Variants in HROB observed in about 807,000 individuals in gnomAD.
HROB encodes the protein homologous recombination OB-fold protein.
A neutral mutation model predicts 61.0 loss-of-function variants in HROB; 44 were observed. The observed-to-expected ratio is 0.72, with a 90% CI of 0.57 to 0.93. The LOEUF is 0.93. Ranked by LOEUF, HROB falls within the 40% of genes least tolerant of loss-of-function variation. The pLI is 0.00. For missense variants in HROB, 716 were observed against 796.2 expected (o/e 0.90, Z 1.21); for synonymous variants, 301 against 310.4 (o/e 0.97, Z 0.32).
chr17:44,149,109 C>A, intron 3 of HROB, 82 bp downstream of exon 3: 1 of 1,343,734 alleles, frequency 7.4e-7, no homozygotes, highest in Non-Finnish European at 1.0e-6. Context: ...GCATATCTTC[C>A]CTCTTGCAGA....
At chr17:44,153,138 G>A (rs940362649) in intron 5 of HROB, among the ~76,000 whole-genome samples, 7 of 152,146 alleles carry the variant, frequency 4.6e-5, no homozygotes, top group Non-Finnish European at 8.8e-5. Context: ...ATGGAACATT[G>A]TGTAAACACA....
At position 44,162,090 on chromosome 17, in the gene HROB, C is replaced by T; in HGVS notation, c.*158C>T. On this transcript the variant is annotated 3_prime_UTR_variant, in exon 10 of 10. Coordinates refer to ENST00000585683, the MANE Select transcript of HROB (RefSeq NM_001171251.3). ...ACCCTGGGTGTTTTCCCTGAGAGCC[C>T]CCTCATCTCTGCGCTGCCCTCACTT... 1.4e-6 allele frequency: 1 copy of T among 731,716 alleles called. No homozygotes were observed. Among genetic ancestry groups the T allele is most frequent in the Non-Finnish European group, 2.2e-6 (1 of 452,262 alleles). 45.3% of individuals were successfully genotyped at this position (731,716 alleles called of 1,614,324 possible).
At chr17:44,150,748 C>T (rs567178099) in intron 3 of HROB, among the ~76,000 whole-genome samples, 8 of 152,282 alleles carry the variant, frequency 5.3e-5, no homozygotes, top group Non-Finnish European at 8.8e-5. Context: ...TGCACCTGGG[C>T]GAGCTCCGGC....
chr17:44,141,962 C>T lies in HROB; in HGVS notation c.-181C>T, dbSNP rs1208940651. The stretch of plus-strand genomic sequence containing the variant: ...GCGTCTTCGAATGCGGCCTAAGGCG[C>T]CTGCCGCCAGTCTCCTGGCGACTTT... On this transcript the variant is annotated 5_prime_UTR_variant, in exon 1 of 10. Coordinates refer to ENST00000585683, the MANE Select transcript of HROB (RefSeq NM_001171251.3). 3 of 828,214 alleles carry T rather than the reference C, an allele frequency of 3.6e-6. No homozygotes were observed. The highest frequency in any genetic ancestry group is 3.6e-6 in the Non-Finnish European group (2 of 562,030). The allele number at this position is 828,214 out of a possible 1,614,324, so 51.3% of individuals were successfully genotyped here.
chr17:44,161,968 G>T lies in HROB; in HGVS notation c.*36G>T, dbSNP rs1567726675. On this transcript the variant is annotated 3_prime_UTR_variant, in exon 10 of 10. Coordinates refer to ENST00000585683, the MANE Select transcript of HROB (RefSeq NM_001171251.3). ...ACGCAGGACAACCCACCATGAGCAG[G>T]CAGCTCTGGGCATGTGTCTGGTCAC... 6.3e-7 allele frequency: 1 copy of T among 1,590,544 alleles called. No individual in the cohort carries two copies. Among genetic ancestry groups the T allele is most frequent in the Non-Finnish European group, 8.6e-7 (1 of 1,158,840 alleles).
chr17:44,157,282 G>A (rs545019297), intron 8 of HROB, among the ~76,000 whole-genome samples: 2 of 152,248 alleles, frequency 1.3e-5, no homozygotes, highest in Admixed American at 6.5e-5. Flanking sequence ...AAGCAAATCA[G>A]CCAAAAGAGG....
At chr17:44,145,846 G>C (rs1001624004) in intron 2 of HROB, among the ~76,000 whole-genome samples, 1 of 152,212 alleles carries the variant, frequency 6.6e-6, no homozygotes, top group African/African-American at 2.4e-5. Flanking sequence ...GAATGGCCCA[G>C]CCAGGGATAT....
Position 44,148,942 on chromosome 17 carries a change from G to T in HROB, c.1139G>T (p.Ser380Ile). The T allele has an allele frequency of 6.2e-7, 1 of 1,614,124 alleles. No individual in the cohort carries two copies. The highest frequency in any genetic ancestry group is 2.2e-5 in the East Asian group (1 of 44,872). The change falls in exon 3 of 10, where the codon AGC becomes ATC. Residue 380 changes from serine (S) to isoleucine (I), a missense_variant. Transcript: ENST00000585683. ...CTGGTGCAGCTAGTCACTGCTGCCA[G>T]CCGGACACCCCAGCAGCCCACCCAT... ...NHLVQLVTAA[S>I]RTPQQPTHPS...
At chr17:44,158,911 T>G (rs1369360299) in intron 9 of HROB, among the ~76,000 whole-genome samples, 2 of 152,162 alleles carry the variant, frequency 1.3e-5, no homozygotes, top group African/African-American at 4.8e-5. Flanking sequence ...CCTCCCAAAG[T>G]GCTGGGATTA....
rs1244765927 is a variant in HROB, at chr17:44,149,185, A to G, written c.1224+158A>G. Among the ~76,000 whole-genome samples the G allele has an allele frequency of 3.9e-5, 6 of 152,198 alleles. No individual in the cohort carries two copies. In the East Asian group the frequency reaches 1.2e-3, roughly 29 times the overall value. On this transcript the variant is annotated intron_variant, in intron 3 of 9. Coordinates refer to ENST00000585683, the MANE Select transcript of HROB (RefSeq NM_001171251.3). ...AGGAGAAATAAAAGGGAAGAACTGA[A>G]TGCTAGAAAATCCACTGTGAAGAAG... is the stretch of plus-strand genomic sequence containing the variant.
Position 44,148,073 on chromosome 17 carries a change from C to G in HROB, c.270C>G (p.Asp90Glu). ...CLPASSTPSADSRPSCIGAAP... is the reference protein window; with the variant it reads ...CLPASSTPSAESRPSCIGAAP... Reference sequence around the variant, plus strand: ...CTGCCTCCAGCACGCCCAGTGCTGACAGCCGTCCATCATGCATAGGAGCAG... The same window carrying G: ...CTGCCTCCAGCACGCCCAGTGCTGAGAGCCGTCCATCATGCATAGGAGCAG... The change falls in exon 3 of 10, where the codon GAC (aspartate) becomes GAG (glutamate). Residue 90 changes from aspartate (D) to glutamate (E), a missense_variant. By Grantham distance (45) the Asp-to-Glu change is conservative (BLOSUM62 2). Transcript: ENST00000585683. 6.2e-7 allele frequency: 1 copy of G among 1,614,212 alleles called. No homozygotes were observed. The highest frequency in any genetic ancestry group is 8.5e-7 in the Non-Finnish European group (1 of 1,180,048).
Position 44,154,615 on chromosome 17 carries a change from C to A in HROB, c.1509C>A (p.Ser503=). ...KVPNMAVMIK[S]LTRSTMDASV... ...CCAACATGGCGGTGATGATCAAGTC[C>A]CTGACTCGGAGCACAATGGACGCCA... The change falls in exon 6 of 10, where the codon TCC becomes TCA. Residue 503 remains serine (S), a synonymous_variant. Transcript: ENST00000585683. The A allele has an allele frequency of 1.2e-6, 2 of 1,614,120 alleles. No individual in the cohort carries two copies. The highest frequency in any genetic ancestry group is 2.2e-5 in the South Asian group (2 of 91,074).
At chr17:44,142,177 G>T in intron 1 of HROB, 32 bp downstream of exon 1, 1 of 1,503,236 alleles carries the variant, frequency 6.7e-7, no homozygotes, top group African/African-American at 1.4e-5. Context: ...GGGCTGGCGG[G>T]CCGCAGGGCC....
At chr17:44,145,044 C>T (rs2053571929) in intron 1 of HROB, among the ~76,000 whole-genome samples, 159 bp from the exon 2 acceptor site, 1 of 152,088 alleles carries the variant, frequency 6.6e-6, no homozygotes, top group Non-Finnish European at 1.5e-5. Flanking sequence ...TAACGAAATC[C>T]CATTTCTTCT....
rs2053684430 is a variant in HROB, at chr17:44,148,452, A to G, written c.649A>G (p.Ile217Val). Residue 217 changes from isoleucine (I) to valine (V), a missense_variant, in exon 3 of 10, where the codon ATC (isoleucine) becomes GTC (valine). Physicochemically the swap from Ile to Val is conservative, Grantham distance 29 (BLOSUM62 3). Coordinates refer to ENST00000585683, the MANE Select transcript of HROB (RefSeq NM_001171251.3). ...GSCQKGPVPA[I>V]HKAGIMSAQD... ...TTGCCAGAAGGGGCCTGTGCCTGCC[A>G]TCCACAAAGCGGGTATCATGTCCGC... 1 of 1,614,136 alleles carries G rather than the reference A, an allele frequency of 6.2e-7. No individual in the cohort carries two copies. Among genetic ancestry groups the G allele is most frequent in the African/African-American group, 1.3e-5 (1 of 75,020 alleles).
rs1032044684 is a variant in HROB, at chr17:44,157,830, C to G, written c.1771-3C>G. 1.3e-5 allele frequency: 21 copies of G among 1,610,862 alleles called. No individual in the cohort carries two copies. Among genetic ancestry groups the G allele is most frequent in the Non-Finnish European group, 1.8e-5 (21 of 1,178,226 alleles). Reference sequence around the variant, plus strand: ...CATTGGTAACCAGATCCTCTGTCCCCAGGATTCAGGGAGCTTCCAGCATGA... The same window carrying G: ...CATTGGTAACCAGATCCTCTGTCCCGAGGATTCAGGGAGCTTCCAGCATGA... On this transcript the variant is annotated splice_region_variant and splice_polypyrimidine_tract_variant and intron_variant, in intron 8 of 9. Transcript: ENST00000585683.
Position 44,148,204 on chromosome 17 carries a change from T to C in HROB, c.401T>C (p.Leu134Ser), listed in dbSNP as rs1352162384. 3 of 1,614,046 alleles carry C rather than the reference T, an allele frequency of 1.9e-6. No individual in the cohort carries two copies. The highest frequency in any genetic ancestry group is 2.5e-6 in the Non-Finnish European group (3 of 1,180,036). ...ACAGCAAGACCTCAGTCCTCAGCCT[T>C]ACACCCCCTACTCACCTTTGAGAGC... Reference protein sequence around the residue: ...RETARPQSSALHPLLTFESQQ... With the variant: ...RETARPQSSASHPLLTFESQQ... The change falls in exon 3 of 10, where the codon TTA (leucine) becomes TCA (serine). Residue 134 changes from leucine (L) to serine (S), a missense_variant. Transcript: ENST00000585683.
chr17:44,158,718 T>C (rs1017495332), intron 9 of HROB, among the ~76,000 whole-genome samples: 1 of 151,010 alleles, frequency 6.6e-6, no homozygotes, highest in African/African-American at 2.4e-5. Flanking sequence ...CGATCTCAGC[T>C]CACTGCAAGC....
intron 7 of HROB, 87 bp from the exon 8 acceptor site, chr17:44,155,199 A>T: frequency 6.4e-7 from 1 of 1,570,770 alleles, no homozygotes; most frequent in South Asian, 1.2e-5. Flanking sequence ...AGAGGACACC[A>T]AGTGAAAGGC....
Sources: gnomAD v4.1 joint callset for allele counts (sites outside exome capture counted in the v4.1 genomes callset) on GRCh38, gnomAD v4.1.1 for gene constraint, MANE v1.5 for transcripts, NCBI Gene and HGNC (gene_info 2026-07-23, HGNC 2026-07-21) for gene names.